Variants in RBFOX1 observed in about 807,000 individuals in gnomAD.
RBFOX1 encodes RNA binding fox-1 homolog 1.
Under a neutral mutation model 57.7 loss-of-function variants are expected in RBFOX1, and 8 were observed. The observed-to-expected ratio is 0.14, with a 90% CI of 0.08 to 0.25. The LOEUF is 0.25. Ranked by LOEUF, RBFOX1 falls within the 10% of genes least tolerant of loss-of-function variation. RBFOX1 has a pLI of 1.00. For missense variants in RBFOX1, 611 were observed against 548.5 expected, an observed-to-expected ratio of 1.11 and a Z score of -1.14; for synonymous variants, 326 against 222.4, an observed-to-expected ratio of 1.47 and a Z score of -4.15.
At chr16:6,319,367 T>C (rs2081488718) in intron 2 of RBFOX1, among the ~76,000 whole-genome samples, 1 of 152,186 alleles carries the variant, frequency 6.6e-6, no homozygotes, top group Non-Finnish European at 1.5e-5. Flanking sequence ...GTTTGTTCAA[T>C]AGTATATTAC....
Position 6,599,220 on chromosome 16 carries a change from C to G in RBFOX1, c.-63-55383C>G, listed in dbSNP as rs536538909. Among the ~76,000 whole-genome samples, 3 of 152,040 alleles carry G rather than the reference C, an allele frequency of 2.0e-5. No individual in the cohort carries two copies. The East Asian group carries it at 5.8e-4, about 29-fold the overall frequency. ...CAAAGACGTGTTGCAAATCATTATC[C>G]AGAACATGGGTATTGATAACTGCAA... On this transcript the variant is annotated intron_variant, in intron 2 of 15. Transcript: ENST00000550418.
chr16:6,678,650 G>T (rs1042253658), intron 3 of RBFOX1, among the ~76,000 whole-genome samples: 4 of 151,550 alleles, frequency 2.6e-5, no homozygotes, highest in African/African-American at 9.7e-5. Flanking sequence ...TGTGGGAAAT[G>T]ACACTTCTAA....
chr16:5,408,297 G>C (rs1369176133), intron 1 of RBFOX1, among the ~76,000 whole-genome samples: 1 of 152,212 alleles, frequency 6.6e-6, no homozygotes, highest in Non-Finnish European at 1.5e-5. Context: ...TTAAGTGCTT[G>C]AACTCAGCTC....
chr16:7,296,640 T>C (rs1397659685), intron 4 of RBFOX1, among the ~76,000 whole-genome samples: 1 of 152,232 alleles, frequency 6.6e-6, no homozygotes, highest in Non-Finnish European at 1.5e-5. Flanking sequence ...GCAGAACACC[T>C]GCATGATGGG....
At chr16:7,587,174 C>A in intron 6 of RBFOX1, 73 bp from the exon 7 acceptor site, 1 of 1,335,830 alleles carries the variant, frequency 7.5e-7, no homozygotes, top group Non-Finnish European at 9.7e-7. Flanking sequence ...ACGTGGGAAA[C>A]AATTACTACT....
chr16:6,682,694 C>T (rs1005860202), intron 3 of RBFOX1, among the ~76,000 whole-genome samples: 1 of 151,784 alleles, frequency 6.6e-6, no homozygotes, highest in African/African-American at 2.4e-5. Context: ...TGTCCCCCGG[C>T]GCGCAAAATT....
At chr16:6,624,464 T>C (rs1293445306) in intron 2 of RBFOX1, among the ~76,000 whole-genome samples, 1 of 152,160 alleles carries the variant, frequency 6.6e-6, no homozygotes, top group Non-Finnish European at 1.5e-5. Context: ...CCACAGCCCT[T>C]CTGAATTTCT....
chr16:6,512,339 AACAT>A (rs149809987), intron 2 of RBFOX1, among the ~76,000 whole-genome samples: 13,109 of 148,288 alleles, frequency 0.088, 677 homozygotes, highest in Middle Eastern at 0.12. Flanking sequence ...TTTAATGAAA[AACAT>A]ACATTATCAT....
intron 3 of RBFOX1, among the ~76,000 whole-genome samples, chr16:5,803,219 C>T (rs547553672): frequency 5.8e-4 from 89 of 152,268 alleles, no homozygotes; most frequent in African/African-American, 2.0e-3. Flanking sequence ...CTCAGTACCC[C>T]GTGAGTATGT....
intron 5 of RBFOX1, among the ~76,000 whole-genome samples, chr16:7,536,131 T>C (rs2081411764): frequency 6.6e-6 from 1 of 152,186 alleles, no homozygotes; most frequent in Admixed American, 6.5e-5. Context: ...CCATCTGCAA[T>C]TGGTTGAATC....
At chr16:6,816,542 C>A (rs901903700) in intron 3 of RBFOX1, among the ~76,000 whole-genome samples, 1 of 151,296 alleles carries the variant, frequency 6.6e-6, no homozygotes, top group Non-Finnish European at 1.5e-5. Context: ...GAGATGAAGA[C>A]CATCCTGGCT....
rs1528324 is a variant in RBFOX1 at position 5,348,062 on chromosome 16, G to T, written c.219+107957G>T. Among the ~76,000 whole-genome samples, 39 of 132,014 alleles carry T rather than the reference G, an allele frequency of 3.0e-4. No individual in the cohort carries two copies. The South Asian group carries it at 4.9e-3, about 17-fold the overall frequency. 86.6% of individuals were successfully genotyped at this position (132,014 alleles called of 152,430 possible). Reference sequence around the variant, plus strand: ...ACCCATCCACCCACCCTTCCACTCAGTCACCCTCTGTACCACTCACTCACC... The same window carrying T: ...ACCCATCCACCCACCCTTCCACTCATTCACCCTCTGTACCACTCACTCACC... On this transcript the variant is annotated intron_variant, in intron 1 of 2. Coordinates refer to the RBFOX1 transcript ENST00000585867.
intron 3 of RBFOX1, among the ~76,000 whole-genome samples, chr16:6,745,810 A>G (rs1228602112): frequency 6.6e-6 from 1 of 152,190 alleles, no homozygotes; most frequent in Non-Finnish European, 1.5e-5. Context: ...AAGGAGGTAA[A>G]AGGCATCTGT....
chr16:6,833,093 C>G (rs941174915), intron 3 of RBFOX1, among the ~76,000 whole-genome samples: 2 of 151,384 alleles, frequency 1.3e-5, no homozygotes, highest in African/African-American at 4.9e-5. Context: ...ACTCACTCCT[C>G]TTTCTGGAAG....
intron 4 of RBFOX1, among the ~76,000 whole-genome samples, chr16:7,094,940 A>G (rs1394573633): frequency 2.0e-5 from 3 of 152,156 alleles, no homozygotes; most frequent in African/African-American, 7.2e-5. Context: ...CAAATATTGT[A>G]TCTGTAAACA....
chr16:5,888,705 A>G (rs1451128138), intron 4 of RBFOX1, among the ~76,000 whole-genome samples: 1 of 150,452 alleles, frequency 6.6e-6, no homozygotes, highest in East Asian at 2.0e-4. Context: ...CTGAGGCAGG[A>G]GAATTGCTTG....
intron 3 of RBFOX1, among the ~76,000 whole-genome samples, chr16:6,720,785 G>A (rs2065837611): frequency 6.6e-6 from 1 of 152,124 alleles, no homozygotes; most frequent in South Asian, 2.1e-4. Flanking sequence ...TCAAATAGGT[G>A]ATAAAGTAGG....
At chr16:5,282,930 C>T (rs1194424874) in intron 1 of RBFOX1, among the ~76,000 whole-genome samples, 1 of 152,182 alleles carries the variant, frequency 6.6e-6, no homozygotes, top group Non-Finnish European at 1.5e-5. Context: ...TGTCACAGGT[C>T]TTCATGGCAG....
chr16:7,510,770 G>A (rs1484930268), intron 4 of RBFOX1, among the ~76,000 whole-genome samples: 3 of 152,160 alleles, frequency 2.0e-5, no homozygotes, highest in Admixed American at 6.5e-5. Flanking sequence ...AAAACTGCAA[G>A]CAACCATCAA....
Sources: allele counts gnomAD v4.1 joint callset (sites outside exome capture counted in the v4.1 genomes callset), GRCh38; gene constraint gnomAD v4.1.1; transcripts MANE v1.5; gene names NCBI Gene and HGNC (gene_info 2026-07-23, HGNC 2026-07-21).